The following RBFOX1 variants were observed in gnomAD, a reference collection of about 807,000 sequenced individuals.
The protein encoded by RBFOX1 is RNA binding fox-1 homolog 1, also known as RNA binding protein fox-1 homolog 1.
A neutral mutation model predicts 57.7 loss-of-function variants in RBFOX1; 8 were observed. The ratio of observed to expected loss-of-function variants is 0.14; its 90% confidence interval spans 0.08 to 0.25. RBFOX1 has a LOEUF of 0.25. Ranked by LOEUF, RBFOX1 falls within the 10% of genes least tolerant of loss-of-function variation. The pLI is 1.00. For synonymous variants in RBFOX1, 326 were observed against 222.4 expected, an observed-to-expected ratio of 1.47 and a Z score of -4.15; for missense variants, 611 against 548.5, an observed-to-expected ratio of 1.11 and a Z score of -1.14.
chr16:6,945,075 A>G (rs1239998803), intron 3 of RBFOX1, among the ~76,000 whole-genome samples: 1 of 152,112 alleles, frequency 6.6e-6, no homozygotes, highest in African/African-American at 2.4e-5. Context: ...GTTTGTGAAG[A>G]CAGAGCAGGG....
intron 5 of RBFOX1, among the ~76,000 whole-genome samples, chr16:7,568,482 G>A (rs540238515): frequency 3.9e-5 from 6 of 152,174 alleles, no homozygotes; most frequent in South Asian, 2.1e-4. Flanking sequence ...GGTCACTTTC[G>A]TTGCCATCTT....
At position 6,918,795 on chromosome 16, in the gene RBFOX1, A is replaced by G. The variant is rs1002210624; in HGVS notation, c.-15-133262A>G. 1.1e-4 allele frequency among the ~76,000 whole-genome samples: 16 copies of G among 152,078 alleles called. 1 individual carries two copies. Among genetic ancestry groups the G allele is most frequent in the Non-Finnish European group, 4.4e-5 (3 of 68,016 alleles). The stretch of plus-strand genomic sequence containing the variant: ...AATCTTGGGCATAGGAGTATGCAGG[A>G]GCATTGAGCAGAAGCGCACTCGTTA... On this transcript the variant is annotated intron_variant, in intron 3 of 15. Coordinates refer to ENST00000550418, the MANE Select transcript of RBFOX1 (RefSeq NM_018723.4).
At chr16:6,928,121 G>A (rs954445471) in intron 3 of RBFOX1, among the ~76,000 whole-genome samples, 7 of 152,128 alleles carry the variant, frequency 4.6e-5, no homozygotes, top group African/African-American at 1.4e-4. Context: ...TCGGCAGATG[G>A]CACAATTCTT....
intron 3 of RBFOX1, among the ~76,000 whole-genome samples, chr16:5,690,678 C>T (rs985540026): frequency 6.6e-6 from 1 of 152,128 alleles, no homozygotes; most frequent in African/African-American, 2.4e-5. Context: ...ACATGACTGA[C>T]ATTAAATGAG....
chr16:7,413,021 GAA>G (rs1202993945), intron 4 of RBFOX1, among the ~76,000 whole-genome samples: 1 of 151,768 alleles, frequency 6.6e-6, no homozygotes, highest in African/African-American at 2.4e-5. Context: ...CAGCCCGGGC[GAA>G]AGAGCGAGAC....
At chr16:7,466,291 C>T (rs958205059) in intron 4 of RBFOX1, among the ~76,000 whole-genome samples, 8 of 152,012 alleles carry the variant, frequency 5.3e-5, no homozygotes, top group African/African-American at 1.7e-4. Context: ...ATGGTTTTAC[C>T]AGACCTATAC....
chr16:5,765,282 C>A (rs1391134988), intron 3 of RBFOX1, among the ~76,000 whole-genome samples: 1 of 152,146 alleles, frequency 6.6e-6, no homozygotes, highest in Non-Finnish European at 1.5e-5. Context: ...GAGCACTCCC[C>A]CAGTCTAAGA....
At chr16:6,419,288 C>G (rs933549688) in intron 2 of RBFOX1, among the ~76,000 whole-genome samples, 1 of 152,136 alleles carries the variant, frequency 6.6e-6, no homozygotes, top group Admixed American at 6.5e-5. Context: ...AGAGTCATTA[C>G]TCTTTGCCTG....
intron 3 of RBFOX1, among the ~76,000 whole-genome samples, chr16:6,735,412 T>C (rs560846383): frequency 1.5e-4 from 23 of 152,260 alleles, no homozygotes; most frequent in Non-Finnish European, 2.9e-4. Context: ...AAATTGTAAA[T>C]AGGTAAATGG....
chr16:5,922,233 G>T (rs1284041957), intron 4 of RBFOX1, among the ~76,000 whole-genome samples: 1 of 152,178 alleles, frequency 6.6e-6, no homozygotes, highest in East Asian at 1.9e-4. Flanking sequence ...TCACCAAGGG[G>T]ATGGTGTTAA....
intron 1 of RBFOX1, among the ~76,000 whole-genome samples, chr16:5,295,531 G>T (rs190155029): frequency 6.6e-6 from 1 of 152,158 alleles, no homozygotes; most frequent in African/African-American, 2.4e-5. Context: ...TCTGCTTCCA[G>T]GCTCATCTGG....
intron 4 of RBFOX1, among the ~76,000 whole-genome samples, chr16:7,292,413 T>TTA (rs925623596): frequency 1.6e-3 from 230 of 142,272 alleles, no homozygotes; most frequent in African/African-American, 3.6e-3. Context: ...ATGTATTATA[T>TTA]TATATATATA....
At chr16:7,099,276 G>T (rs749659475) in intron 4 of RBFOX1, among the ~76,000 whole-genome samples, 1 of 152,158 alleles carries the variant, frequency 6.6e-6, no homozygotes, top group African/African-American at 2.4e-5. Flanking sequence ...TCTAGCTGCA[G>T]TGGGAAATGG....
At chr16:7,101,341 T>A (rs2062660714) in intron 4 of RBFOX1, among the ~76,000 whole-genome samples, 1 of 152,112 alleles carries the variant, frequency 6.6e-6, no homozygotes, top group Non-Finnish European at 1.5e-5. Flanking sequence ...TCATTGAAAA[T>A]AAAAGGGAAT....
intron 4 of RBFOX1, among the ~76,000 whole-genome samples, chr16:7,183,708 A>G (rs957004950): frequency 6.6e-6 from 1 of 152,184 alleles, no homozygotes; most frequent in Non-Finnish European, 1.5e-5. Flanking sequence ...GTTGACTCAC[A>G]CTGAACACAA....
chr16:6,413,417 G>C (rs1044251922), intron 2 of RBFOX1, among the ~76,000 whole-genome samples: 1 of 152,016 alleles, frequency 6.6e-6, no homozygotes, highest in Non-Finnish European at 1.5e-5. Flanking sequence ...TCTCATCTTG[G>C]CTTCCCAAAG....
intron 1 of RBFOX1, among the ~76,000 whole-genome samples, chr16:5,386,672 C>A (rs924850782): frequency 3.9e-5 from 6 of 152,132 alleles, no homozygotes; most frequent in Admixed American, 6.5e-5. Flanking sequence ...GGCAGACTCC[C>A]ACACATCCTC....
chr16:7,369,662 C>T (rs922757105), intron 4 of RBFOX1, among the ~76,000 whole-genome samples: 1 of 152,102 alleles, frequency 6.6e-6, no homozygotes, highest in Non-Finnish European at 1.5e-5. Flanking sequence ...TGAAGTGAGA[C>T]TAGTTTATTC....
Position 5,709,809 on chromosome 16 carries a change from TTATATATATATATATA to T in RBFOX1, c.318+110868_318+110883del, listed in dbSNP as rs1184777172. Among the ~76,000 whole-genome samples the T allele has an allele frequency of 2.2e-3, 32 of 14,410 alleles. 1 individual carries two copies. The highest frequency in any genetic ancestry group is 6.0e-3 in the East Asian group (7 of 1,162). 9.5% of individuals were successfully genotyped at this position (14,410 alleles called of 152,430 possible). ...TCTACTGGGTGTTGTATCAGTTTCT[TTATATATATATATATA>T]TATATATATATATATATATTTTTTT... On this transcript the variant is annotated intron_variant, in intron 3 of 19. Coordinates refer to the RBFOX1 transcript ENST00000641259.
Sources: allele counts gnomAD v4.1 joint callset (sites outside exome capture counted in the v4.1 genomes callset), GRCh38; gene constraint gnomAD v4.1.1; transcripts MANE v1.5; gene names NCBI Gene and HGNC (gene_info 2026-07-23, HGNC 2026-07-21).